SCAPER: variants seen among roughly 807,000 people sequenced by gnomAD.
SCAPER encodes the protein S phase cyclin A-associated protein in the endoplasmic reticulum.
SCAPER carries 98 observed loss-of-function variants against 182.2 expected under a neutral mutation model. The ratio of observed to expected loss-of-function variants is 0.54; its 90% CI spans 0.46 to 0.64. The LOEUF (loss-of-function observed/expected upper bound fraction) is 0.64. SCAPER is among the 30% of genes least tolerant of loss of function. The pLI is 0.00. For missense variants in SCAPER, 1,432 were observed against 1,690.0 expected (o/e 0.85, Z 2.68); for synonymous variants, 605 against 564.6 (o/e 1.07, Z -1.01).
chr15:76,742,452 C>A (rs1598465977), intron 15 of SCAPER, among the ~76,000 whole-genome samples: 1 of 26,364 alleles, frequency 3.8e-5, no homozygotes. Context: ...GAATAAGAAA[C>A]AGGTGTCTTT....
rs575181654 is a variant in SCAPER at position 76,655,559 on chromosome 15, C to T, written c.2645+10094G>A. On this transcript the variant is annotated intron_variant, in intron 21 of 31. Coordinates refer to ENST00000563290, the MANE Select transcript of SCAPER (RefSeq NM_020843.4). The stretch of plus-strand genomic sequence containing the variant: ...CTCAGAGAACCCCTGTGAGATACTA[C>T]ACAAGACAACTATGTGCAAGACATA... Among the ~76,000 whole-genome samples, 476 of 152,278 alleles carry T rather than the reference C, an allele frequency of 3.1e-3. 5 individuals carry two copies. Among genetic ancestry groups the T allele is most frequent in the African/African-American group, 0.011 (455 of 41,558 alleles).
chr15:76,545,067 A>C (rs2045140314), intron 23 of SCAPER, among the ~76,000 whole-genome samples: 1 of 152,184 alleles, frequency 6.6e-6, no homozygotes, highest in Non-Finnish European at 1.5e-5. Flanking sequence ...CAATTTTTAG[A>C]ATAACAACTT....
At chr15:76,829,181 T>G (rs2151701592) in intron 5 of SCAPER, among the ~76,000 whole-genome samples, 1 of 152,334 alleles carries the variant, frequency 6.6e-6, no homozygotes. Context: ...GAGGCCATTA[T>G]TCTAAGTGAA....
At chr15:76,530,118 T>C in intron 23 of SCAPER, among the ~76,000 whole-genome samples, 1 of 152,190 alleles carries the variant, frequency 6.6e-6, no homozygotes, top group East Asian at 1.9e-4. Context: ...ATCTACTTCC[T>C]AAGTTCTATT....
chr15:76,623,798 A>C (rs948241995), intron 21 of SCAPER, among the ~76,000 whole-genome samples: 2 of 152,224 alleles, frequency 1.3e-5, no homozygotes, highest in South Asian at 4.1e-4. Context: ...ACATTGATAA[A>C]CAAAGACCAT....
rs1229545630 is a variant in SCAPER, at chr15:76,785,138, A to G, written c.773-10021T>C. On this transcript the variant is annotated intron_variant, in intron 8 of 31. Transcript: ENST00000563290. ...ATTTTTGCAATCTACTCATCTGACA[A>G]AGGGCTAATATCTAGAATCTACAAA... Among the ~76,000 whole-genome samples, 3 of 152,240 alleles carry G rather than the reference A, an allele frequency of 2.0e-5. No homozygotes were observed. In the South Asian group the frequency reaches 6.2e-4, roughly 32 times the overall value.
chr15:76,654,344 C>G (rs1260718533), intron 21 of SCAPER, among the ~76,000 whole-genome samples: 1 of 151,568 alleles, frequency 6.6e-6, no homozygotes, highest in Non-Finnish European at 1.5e-5. Flanking sequence ...GGAGGCGGAG[C>G]TTGCAGTGAG....
chr15:76,627,137 G>C (rs1262645708), intron 21 of SCAPER, among the ~76,000 whole-genome samples: 1 of 151,794 alleles, frequency 6.6e-6, no homozygotes, highest in Non-Finnish European at 1.5e-5. Flanking sequence ...TATCATCTTG[G>C]TTATACTCCC....
chr15:76,407,869 G>T (rs1042014498), intron 26 of SCAPER, among the ~76,000 whole-genome samples: 1 of 151,936 alleles, frequency 6.6e-6, no homozygotes, highest in African/African-American at 2.4e-5. Context: ...ATCAACCCAT[G>T]GCCAATCCTA....
At chr15:76,550,571 C>T (rs1162168998) in intron 23 of SCAPER, among the ~76,000 whole-genome samples, 1 of 152,174 alleles carries the variant, frequency 6.6e-6, no homozygotes, top group African/African-American at 2.4e-5. Context: ...TAATGTACCA[C>T]ATTTTCTTTA....
intron 21 of SCAPER, among the ~76,000 whole-genome samples, chr15:76,636,010 G>T (rs1196917588): frequency 1.3e-5 from 2 of 152,168 alleles, no homozygotes; most frequent in African/African-American, 4.8e-5. Context: ...TTGGTCTGAA[G>T]ATTTTATTTC....
At chr15:76,852,270 G>A (rs1016675977) in intron 4 of SCAPER, among the ~76,000 whole-genome samples, 4 of 152,140 alleles carry the variant, frequency 2.6e-5, no homozygotes, top group African/African-American at 9.6e-5. Context: ...CACTGGCAGT[G>A]TTAGATCGTC....
chr15:76,637,611 C>A (rs1381811212), intron 21 of SCAPER, among the ~76,000 whole-genome samples: 1 of 151,398 alleles, frequency 6.6e-6, no homozygotes, highest in Non-Finnish European at 1.5e-5. Flanking sequence ...GAGGCTGAGG[C>A]AGGAGGATTG....
intron 5 of SCAPER, among the ~76,000 whole-genome samples, chr15:76,821,736 TC>T (rs1214897216): frequency 6.6e-6 from 1 of 151,896 alleles, no homozygotes; most frequent in Non-Finnish European, 1.5e-5. Context: ...CGAGACTTCA[TC>T]CCTACTAAAA....
intron 1 of SCAPER, among the ~76,000 whole-genome samples, chr15:76,889,251 A>C (rs1335899361): frequency 6.6e-6 from 1 of 152,262 alleles, no homozygotes; most frequent in East Asian, 1.9e-4. Context: ...CATCGATGCT[A>C]TGAAGGAACT....
intron 4 of SCAPER, among the ~76,000 whole-genome samples, chr15:76,844,390 T>G (rs2069824556): frequency 6.6e-6 from 1 of 151,888 alleles, no homozygotes; most frequent in African/African-American, 2.4e-5. Flanking sequence ...CCTATGGACT[T>G]ATCCCCAAAA....
At chr15:76,829,681 T>C (rs1021515268) in intron 5 of SCAPER, among the ~76,000 whole-genome samples, 3 of 152,134 alleles carry the variant, frequency 2.0e-5, no homozygotes, top group African/African-American at 7.2e-5. Context: ...TTTTAGCATA[T>C]GACTGGCTGC....
intron 25 of SCAPER, among the ~76,000 whole-genome samples, chr15:76,464,825 T>C (rs1295379123): frequency 6.6e-6 from 1 of 152,160 alleles, no homozygotes; most frequent in African/African-American, 2.4e-5. Context: ...GGAACTTCCA[T>C]ACTTTTTTCC....
At chr15:76,611,171 T>C (rs1196237338) in intron 22 of SCAPER, among the ~76,000 whole-genome samples, 1 of 151,914 alleles carries the variant, frequency 6.6e-6, no homozygotes, top group African/African-American at 2.4e-5. Context: ...GAAAGAATAG[T>C]CTCTTCAACA....
Sources: allele counts gnomAD v4.1 joint callset (sites outside exome capture counted in the v4.1 genomes callset), GRCh38; gene constraint gnomAD v4.1.1; transcripts MANE v1.5; gene names NCBI Gene and HGNC (gene_info 2026-07-23, HGNC 2026-07-21).